Variants in TMEM132C observed in about 807,000 individuals in gnomAD.
The protein encoded by TMEM132C is protein phosphatase 1, regulatory subunit 152.
In TMEM132C, 29 loss-of-function variants were observed where a neutral mutation model predicts 61.4. That is an observed-to-expected ratio of 0.47 (90% CI 0.35 to 0.64). The LOEUF (loss-of-function observed/expected upper bound fraction) is 0.64. TMEM132C is among the 30% of genes least tolerant of loss of function. The pLI, the probability that TMEM132C is intolerant of heterozygous loss-of-function variation, is 0.00. For missense variants in TMEM132C, 1,408 were observed against 1,476.9 expected (o/e 0.95, Z 0.76); for synonymous variants, 656 against 633.1 (o/e 1.04, Z -0.54).
At chr12:128,704,577 G>A (rs898000748) in intron 8 of TMEM132C, among the ~76,000 whole-genome samples, 1 of 152,198 alleles carries the variant, frequency 6.6e-6, no homozygotes, top group African/African-American at 2.4e-5. Context: ...GGGCAGTGCA[G>A]GGAGAAGAGG....
At chr12:128,667,994 C>T (rs1479371481) in intron 4 of TMEM132C, among the ~76,000 whole-genome samples, 2 of 152,184 alleles carry the variant, frequency 1.3e-5, no homozygotes, top group Admixed American at 6.5e-5. Flanking sequence ...ATGAAGGTGC[C>T]AAGCACGGTG....
intron 1 of TMEM132C, among the ~76,000 whole-genome samples, chr12:128,411,871 T>G (rs549938070): frequency 6.6e-6 from 1 of 152,368 alleles, no homozygotes; most frequent in Non-Finnish European, 1.5e-5. Context: ...GGTTTCATTT[T>G]GCCCATGTCC....
intron 1 of TMEM132C, among the ~76,000 whole-genome samples, chr12:128,397,109 C>T (rs966979117): frequency 5.3e-5 from 8 of 152,212 alleles, no homozygotes; most frequent in African/African-American, 1.7e-4. Flanking sequence ...AGCTACTCCC[C>T]ACAGCCTCAC....
intron 3 of TMEM132C, among the ~76,000 whole-genome samples, chr12:128,614,173 C>T (rs1267478992): frequency 6.6e-6 from 1 of 152,206 alleles, no homozygotes; most frequent in Non-Finnish European, 1.5e-5. Flanking sequence ...ATCAACAGCT[C>T]TACAAAGCTC....
At chr12:128,339,289 C>G (rs1872884528) in intron 1 of TMEM132C, among the ~76,000 whole-genome samples, 1 of 151,696 alleles carries the variant, frequency 6.6e-6, no homozygotes, top group South Asian at 2.1e-4. Context: ...TTAAGTTCAT[C>G]TGGGAGGGCA....
At chr12:128,562,415 G>GT (rs1023870407) in intron 3 of TMEM132C, among the ~76,000 whole-genome samples, 1 of 152,100 alleles carries the variant, frequency 6.6e-6, no homozygotes, top group Non-Finnish European at 1.5e-5. Flanking sequence ...AACCTAATAA[G>GT]TTTTTTTTCT....
Position 128,393,530 on chromosome 12 carries a change from A to G in TMEM132C, c.86-21202A>G, listed in dbSNP as rs374266613. 1.4e-4 allele frequency among the ~76,000 whole-genome samples: 21 copies of G among 152,282 alleles called. No individual in the cohort carries two copies. The East Asian group carries it at 2.1e-3, about 15-fold the overall frequency. Reference sequence around the variant, plus strand: ...GTGTTTGGCAGGAGGTTATATTCCAATTTCAGTGTTTGGCATATATTAACA... The same window carrying G: ...GTGTTTGGCAGGAGGTTATATTCCAGTTTCAGTGTTTGGCATATATTAACA... On this transcript the variant is annotated intron_variant, in intron 1 of 8. Transcript: ENST00000435159.
chr12:128,411,462 T>C (rs559797497), intron 1 of TMEM132C, among the ~76,000 whole-genome samples: 1 of 152,344 alleles, frequency 6.6e-6, no homozygotes, highest in South Asian at 2.1e-4. Context: ...CTTACAATCT[T>C]TTAACATCAT....
chr12:128,491,947 C>T (rs1276533532), intron 2 of TMEM132C, among the ~76,000 whole-genome samples: 1 of 151,850 alleles, frequency 6.6e-6, no homozygotes, highest in African/African-American at 2.4e-5. Flanking sequence ...GTATGCTGCA[C>T]CCATTAACTC....
intron 3 of TMEM132C, among the ~76,000 whole-genome samples, chr12:128,578,080 C>T (rs1875186452): frequency 6.6e-6 from 1 of 152,172 alleles, no homozygotes; most frequent in Non-Finnish European, 1.5e-5. Flanking sequence ...AAAACTGTAT[C>T]ATTTGCCATA....
intron 3 of TMEM132C, among the ~76,000 whole-genome samples, chr12:128,578,125 ATTCTT>A (rs1875188575): frequency 2.0e-5 from 3 of 152,242 alleles, no homozygotes; most frequent in African/African-American, 7.2e-5. Context: ...ATGCAGTTAA[ATTCTT>A]GGCCTTGGGC....
At chr12:128,644,359 A>C (rs1314090216) in intron 4 of TMEM132C, among the ~76,000 whole-genome samples, 2 of 152,228 alleles carry the variant, frequency 1.3e-5, no homozygotes, top group Admixed American at 1.3e-4. Context: ...TAACTGGGGA[A>C]AGAATAAACA....
chr12:128,381,428 C>G (rs1471884308), intron 1 of TMEM132C, among the ~76,000 whole-genome samples: 1 of 152,138 alleles, frequency 6.6e-6, no homozygotes, highest in African/African-American at 2.4e-5. Flanking sequence ...ACGTGGCAAC[C>G]CTGGGAGCCG....
chr12:128,633,424 C>A (rs1041155898), intron 4 of TMEM132C, among the ~76,000 whole-genome samples: 1 of 152,122 alleles, frequency 6.6e-6, no homozygotes, highest in Non-Finnish European at 1.5e-5. Flanking sequence ...TGCTCACAGT[C>A]CCTCACAAGT....
intron 1 of TMEM132C, among the ~76,000 whole-genome samples, chr12:128,314,012 C>G (rs370943921): frequency 4.8e-4 from 73 of 152,298 alleles, no homozygotes; most frequent in African/African-American, 1.7e-3. Flanking sequence ...TTAAATCCAT[C>G]ACTCACAGCT....
At chr12:128,382,040 CTTT>C (rs113830900) in intron 1 of TMEM132C, among the ~76,000 whole-genome samples, 2 of 141,070 alleles carry the variant, frequency 1.4e-5, no homozygotes, top group Admixed American at 7.2e-5. Flanking sequence ...TTGTTATTCG[CTTT>C]TTTTTTTTTT....
At chr12:128,675,878 T>TAGATAGAC (rs1470334642) in intron 5 of TMEM132C, among the ~76,000 whole-genome samples, 28 of 89,320 alleles carry the variant, frequency 3.1e-4, no homozygotes, top group Admixed American at 1.7e-3. Context: ...GATAGATAGA[T>TAGATAGAC]AGATAAATAG....
chr12:128,618,744 C>T (rs1398003902), intron 4 of TMEM132C, among the ~76,000 whole-genome samples: 1 of 152,172 alleles, frequency 6.6e-6, no homozygotes, highest in Non-Finnish European at 1.5e-5. Context: ...TGCCTTCTGC[C>T]ATGATTGTGA....
Position 128,267,361 on chromosome 12 carries a change from C to T in TMEM132C, c.-42C>T. ...GCGGGGGCCGCGGGCGGGCGCTGCG[C>T]TTCGGGCTGGCGGCGGGCTGCGTGA... is the stretch of plus-strand genomic sequence containing the variant. On this transcript the variant is annotated 5_prime_UTR_variant, in exon 1 of 9. Coordinates refer to ENST00000435159, the MANE Select transcript of TMEM132C (RefSeq NM_001136103.3). 1 of 1,016,974 alleles carries T rather than the reference C, an allele frequency of 9.8e-7. No homozygotes were observed. The highest frequency in any genetic ancestry group is 1.2e-6 in the Non-Finnish European group (1 of 851,046). The allele number at this position is 1,016,974 out of a possible 1,614,324, so 63.0% of individuals were successfully genotyped here.
Sources: allele counts gnomAD v4.1 joint callset (sites outside exome capture counted in the v4.1 genomes callset), GRCh38; gene constraint gnomAD v4.1.1; transcripts MANE v1.5; gene names NCBI Gene and HGNC (gene_info 2026-07-23, HGNC 2026-07-21).